Variants in ADAMTS9 observed in about 807,000 individuals in gnomAD.
The protein encoded by ADAMTS9 is ADAM metallopeptidase with thrombospondin type 1 motif 9.
ADAMTS9 carries 107 observed loss-of-function variants against 257.1 expected under a neutral mutation model. The observed-to-expected ratio is 0.42, with a 90% CI of 0.36 to 0.49. The LOEUF (loss-of-function observed/expected upper bound fraction) is 0.49, where lower values mean the gene tolerates loss of function less well. ADAMTS9 is among the 20% of genes least tolerant of loss of function. The probability of loss-of-function intolerance (pLI) is 0.03; values close to 1 mark genes in which losing one functional copy is unlikely to be tolerated. For synonymous variants in ADAMTS9, 982 were observed against 880.9 expected, an observed-to-expected ratio of 1.11 and a Z score of -2.03; for missense variants, 2,353 against 2,469.1, an observed-to-expected ratio of 0.95 and a Z score of 1.00.
At chr3:64,575,315 T>C (rs776654755) in intron 28 of ADAMTS9, among the ~76,000 whole-genome samples, 2 of 152,208 alleles carry the variant, frequency 1.3e-5, no homozygotes, top group African/African-American at 2.4e-5. Flanking sequence ...AGGAGAGATG[T>C]TGTGCCCAAG....
At position 64,687,233 on chromosome 3, in the gene ADAMTS9, G is replaced by T. The variant is rs778513404; in HGVS notation, c.116-265C>A. On this transcript the variant is annotated intron_variant, in intron 1 of 39. Coordinates refer to ENST00000498707, the MANE Select transcript of ADAMTS9 (RefSeq NM_182920.2). This position sits in a 1 kb window ranked among gnomAD's most constrained non-coding sequence, Gnocchi z 4.4. ...GATTTCAGATATTGATAAATAACCT[G>T]AATAAAATAAAACATGACGCTATCT... 6.6e-6 allele frequency among the ~76,000 whole-genome samples: 1 copy of T among 152,098 alleles called. No individual in the cohort carries two copies. The highest frequency in any genetic ancestry group is 1.5e-5 in the Non-Finnish European group (1 of 68,026).
chr3:64,626,559 G>A (rs1468801691), intron 16 of ADAMTS9, among the ~76,000 whole-genome samples: 2 of 152,086 alleles, frequency 1.3e-5, no homozygotes, highest in Non-Finnish European at 2.9e-5. Context: ...ATAAAAGGAG[G>A]ATAAGGGTTG....
chr3:64,615,137 C>G, intron 21 of ADAMTS9, 184 bp downstream of exon 21: 1 of 647,910 alleles, frequency 1.5e-6, no homozygotes. Context: ...CACTGGTAGA[C>G]TAGTTACATC....
At chr3:64,541,441 G>A in intron 34 of ADAMTS9, 27 bp from the exon 35 acceptor site, 3 of 1,612,062 alleles carry the variant, frequency 1.9e-6, no homozygotes, top group African/African-American at 2.7e-5. Context: ...AACCCATGAA[G>A]AGTGGCTCAG....
chr3:64,516,548 A>T lies in ADAMTS9; in HGVS notation c.*579T>A, dbSNP rs2082777181. ...TTAAATACATACAATATTAGCACCA[A>T]GGCAGCATATTTTTTTCCCAGAGAT... is the stretch of plus-strand genomic sequence containing the variant. On this transcript the variant is annotated 3_prime_UTR_variant, in exon 40 of 40. Transcript: ENST00000498707. 1 of 152,614 alleles carries T rather than the reference A, an allele frequency of 6.6e-6. No individual in the cohort carries two copies. The highest frequency in any genetic ancestry group is 1.5e-5 in the Non-Finnish European group (1 of 68,040). The allele number at this position is 152,614 out of a possible 1,614,324, so 9.5% of individuals were successfully genotyped here.
At chr3:64,657,509 GT>G (rs71102809) in intron 4 of ADAMTS9, among the ~76,000 whole-genome samples, 32 of 146,844 alleles carry the variant, frequency 2.2e-4, no homozygotes, top group East Asian at 1.0e-3. Flanking sequence ...TGGCTAATTG[GT>G]TTTTTTTTTT....
intron 36 of ADAMTS9, among the ~76,000 whole-genome samples, 163 bp from the exon 37 acceptor site, chr3:64,539,457 G>A (rs937786094): frequency 6.6e-5 from 10 of 152,166 alleles, no homozygotes; most frequent in African/African-American, 9.7e-5. Context: ...GGATCCAGAT[G>A]CTCACTTGCT....
chr3:64,519,355 C>A (rs2082821379), intron 39 of ADAMTS9, among the ~76,000 whole-genome samples: 1 of 152,066 alleles, frequency 6.6e-6, no homozygotes, highest in Non-Finnish European at 1.5e-5. Context: ...AATAAACAGC[C>A]TTTTAAATAA....
In ADAMTS9 at chr3:64,530,549, A is replaced by G. The variant is rs1375281885; in HGVS notation, c.5718+2617T>C. Among the ~76,000 whole-genome samples the G allele has an allele frequency of 3.4e-5, 5 of 147,376 alleles. No individual in the cohort carries two copies. The South Asian group carries it at 1.1e-3, about 31-fold the overall frequency. ...TTTAAAAAAAAAAAAAAAAAAAAAA[A>G]TGCCGACAGGCAATTGTCATACCCA... On this transcript the variant is annotated intron_variant, in intron 38 of 39. Coordinates refer to ENST00000498707, the MANE Select transcript of ADAMTS9 (RefSeq NM_182920.2).
intron 39 of ADAMTS9, among the ~76,000 whole-genome samples, chr3:64,520,225 T>C (rs1014798945): frequency 2.0e-5 from 3 of 152,094 alleles, no homozygotes; most frequent in South Asian, 4.1e-4. Context: ...TACCTAGGAA[T>C]ACATCTAATC....
intron 39 of ADAMTS9, among the ~76,000 whole-genome samples, chr3:64,519,233 T>C (rs1329336669): frequency 6.6e-6 from 1 of 152,194 alleles, no homozygotes; most frequent in Non-Finnish European, 1.5e-5. Context: ...TTGGGATGTA[T>C]TTCTCAAAGG....
intron 16 of ADAMTS9, among the ~76,000 whole-genome samples, chr3:64,626,838 CTT>C (rs1700235181): frequency 6.6e-6 from 1 of 152,178 alleles, no homozygotes; most frequent in African/African-American, 2.4e-5. Flanking sequence ...CCAAATGACT[CTT>C]TCTCAGTCAG....
intron 16 of ADAMTS9, 101 bp downstream of exon 16, chr3:64,631,354 T>C: frequency 5.4e-6 from 5 of 919,022 alleles, no homozygotes; most frequent in Non-Finnish European, 7.0e-6. Context: ...ATCCATGACA[T>C]CTGAAAGCTC....
intron 16 of ADAMTS9, among the ~76,000 whole-genome samples, chr3:64,631,099 T>C (rs896740387): frequency 6.6e-6 from 1 of 152,112 alleles, no homozygotes; most frequent in Non-Finnish European, 1.5e-5. Flanking sequence ...TAATAAAATA[T>C]TTGCAAGTCA....
At chr3:64,656,483 T>C (rs1373108549) in intron 4 of ADAMTS9, among the ~76,000 whole-genome samples, 1 of 152,176 alleles carries the variant, frequency 6.6e-6, no homozygotes, top group Non-Finnish European at 1.5e-5. Context: ...GGCTGGGTAC[T>C]ATTAAAATTT....
chr3:64,580,704 GAAATGC>G (rs1187134496), intron 28 of ADAMTS9, among the ~76,000 whole-genome samples: 2 of 152,158 alleles, frequency 1.3e-5, no homozygotes, highest in Non-Finnish European at 2.9e-5. Context: ...ATCCTATTCA[GAAATGC>G]AAATATTCAG....
At chr3:64,634,000 G>A in intron 12 of ADAMTS9, 121 bp from the exon 13 acceptor site, 1 of 897,598 alleles carries the variant, frequency 1.1e-6, no homozygotes, top group South Asian at 1.7e-5. Flanking sequence ...GCAAATGACA[G>A]AGGAATGGGC....
chr3:64,611,918 C>T (rs567737506), intron 22 of ADAMTS9, among the ~76,000 whole-genome samples: 2 of 152,194 alleles, frequency 1.3e-5, no homozygotes, highest in South Asian at 2.1e-4. Context: ...ATGCTAAATG[C>T]CACTGATTTG....
chr3:64,616,700 A>T (rs1179039528), intron 19 of ADAMTS9, among the ~76,000 whole-genome samples: 1 of 152,204 alleles, frequency 6.6e-6, no homozygotes, highest in Non-Finnish European at 1.5e-5. Flanking sequence ...CCCTAGGAAT[A>T]TGATCAGCAG....
Sources: allele counts gnomAD v4.1 joint callset (sites outside exome capture counted in the v4.1 genomes callset), GRCh38; gene constraint gnomAD v4.1.1; non-coding constraint Gnocchi (gnomAD v3.1); transcripts MANE v1.5; gene names NCBI Gene and HGNC (gene_info 2026-07-23, HGNC 2026-07-21).